The following FMN1 variants were observed in gnomAD, a reference collection of about 807,000 sequenced individuals.
FMN1 encodes formin-1.
A neutral mutation model predicts 132.4 loss-of-function variants in FMN1; 110 were observed. The observed-to-expected ratio is 0.83, with a 90% CI of 0.71 to 0.97. The LOEUF is 0.97. Ranked by LOEUF, FMN1 falls within the 50% of genes least tolerant of loss-of-function variation. The pLI is 0.00. For missense variants in FMN1, 1,792 were observed against 1,705.3 expected (o/e 1.05, Z -0.90); for synonymous variants, 722 against 651.7 (o/e 1.11, Z -1.64).
At chr15:33,059,490 G>A (rs553878715) in intron 6 of FMN1, among the ~76,000 whole-genome samples, 106 of 152,158 alleles carry the variant, frequency 7.0e-4, no homozygotes, top group African/African-American at 2.5e-3. Context: ...CATAATGGCC[G>A]TACTAATTTA....
In FMN1 at chr15:33,147,695, T is replaced by C. The variant is rs190046051; in HGVS notation, c.1867+5353A>G. 3.4e-3 allele frequency among the ~76,000 whole-genome samples: 519 copies of C among 152,338 alleles called. 11 individuals carry two copies. Among genetic ancestry groups the C allele is most frequent in the Admixed American group, 0.029 (449 of 15,300 alleles). On this transcript the variant is annotated intron_variant, in intron 4 of 20. Transcript: ENST00000616417. Reference sequence around the variant, plus strand: ...CTGGCCTTTAAATCACATTCCCCTTTAAAAAGCAAAACAAATGAGAAAAAT... The same window carrying C: ...CTGGCCTTTAAATCACATTCCCCTTCAAAAAGCAAAACAAATGAGAAAAAT...
At chr15:33,011,319 C>T (rs531944719) in intron 6 of FMN1, among the ~76,000 whole-genome samples, 307 of 152,098 alleles carry the variant, frequency 2.0e-3, no homozygotes, top group African/African-American at 6.8e-3. Context: ...AAAGAATGAT[C>T]TTTTCAATAA....
chr15:32,957,710 T>C (rs1475606124), intron 9 of FMN1, among the ~76,000 whole-genome samples: 1 of 152,228 alleles, frequency 6.6e-6, no homozygotes, highest in African/African-American at 2.4e-5. Flanking sequence ...AAGAGATTAA[T>C]GCAAAGAATA....
chr15:32,939,465 G>C (rs1053296788), intron 9 of FMN1, among the ~76,000 whole-genome samples: 2 of 151,846 alleles, frequency 1.3e-5, no homozygotes, highest in African/African-American at 2.4e-5. Flanking sequence ...TTTTTAATTT[G>C]TTATCAACCA....
At chr15:32,794,074 C>T (rs771420637) in intron 19 of FMN1, among the ~76,000 whole-genome samples, 28 of 152,134 alleles carry the variant, frequency 1.8e-4, no homozygotes, top group Non-Finnish European at 3.7e-4. Flanking sequence ...CAGCTTTGAA[C>T]TATCTTCTGT....
At chr15:32,796,499 C>T (rs371658277) in intron 19 of FMN1, among the ~76,000 whole-genome samples, 1 of 151,856 alleles carries the variant, frequency 6.6e-6, no homozygotes, top group East Asian at 1.9e-4. Context: ...ATGTTGTCTC[C>T]TGATGTTTAG....
At chr15:32,815,184 T>C (rs1238484395) in intron 17 of FMN1, among the ~76,000 whole-genome samples, 1 of 152,128 alleles carries the variant, frequency 6.6e-6, no homozygotes, top group Admixed American at 6.5e-5. Context: ...CCTCGTGATC[T>C]GCCCGCCTCA....
chr15:32,774,489 T>A, intron 20 of FMN1, 135 bp from the exon 21 acceptor site: 1 of 663,652 alleles, frequency 1.5e-6, no homozygotes, highest in Non-Finnish European at 2.6e-6. Context: ...GTACCTCTAC[T>A]GCTTTCCCTA....
chr15:32,892,429 T>C (rs1033143096), intron 15 of FMN1, among the ~76,000 whole-genome samples: 2 of 152,196 alleles, frequency 1.3e-5, no homozygotes, highest in Admixed American at 1.3e-4. Context: ...TGGTGGATTA[T>C]CTTTTTGATA....
At chr15:32,804,747 G>T (rs888419554) in intron 17 of FMN1, among the ~76,000 whole-genome samples, 1 of 147,806 alleles carries the variant, frequency 6.8e-6, no homozygotes, top group African/African-American at 2.5e-5. Flanking sequence ...ACCTATGAGT[G>T]AGAACATGCA....
chr15:32,809,668 A>G (rs2057805320), intron 17 of FMN1, among the ~76,000 whole-genome samples: 1 of 151,788 alleles, frequency 6.6e-6, no homozygotes, highest in South Asian at 2.1e-4. Flanking sequence ...TTCTTTGAAA[A>G]CCAAGCTTGA....
At chr15:32,996,094 TGATA>T (rs961965060) in intron 7 of FMN1, among the ~76,000 whole-genome samples, 12 of 152,372 alleles carry the variant, frequency 7.9e-5, no homozygotes, top group African/African-American at 2.6e-4. Context: ...ACAATAGTTA[TGATA>T]GATAGGTCAT....
chr15:33,069,372 G>C (rs1408413656), intron 5 of FMN1, among the ~76,000 whole-genome samples: 1 of 152,190 alleles, frequency 6.6e-6, no homozygotes, highest in Non-Finnish European at 1.5e-5. Context: ...GGATGGACAG[G>C]ACACTGTTCT....
chr15:33,147,152 C>T (rs1458556868), intron 4 of FMN1, among the ~76,000 whole-genome samples: 1 of 144,940 alleles, frequency 6.9e-6, no homozygotes, highest in East Asian at 2.0e-4. Flanking sequence ...GAAACAAGAG[C>T]GAGACTCCGT....
rs958495526 is a variant in FMN1 at position 32,767,268 on chromosome 15, T to A, written c.*7042A>T. 6.6e-6 allele frequency: 1 copy of A among 152,242 alleles called. No homozygotes were observed. The highest frequency in any genetic ancestry group is 1.9e-4 in the East Asian group (1 of 5,196). The allele number at this position is 152,242 out of a possible 1,614,324, so 9.4% of individuals were successfully genotyped here. ...GCAAACTCACAAGATACCAGTTATA[T>A]GAAGACATAAAACTGCATGGATCAG... On this transcript the variant is annotated 3_prime_UTR_variant, in exon 21 of 21. Coordinates refer to ENST00000616417, the MANE Select transcript of FMN1 (RefSeq NM_001277313.2).
At chr15:33,043,213 A>T (rs1566859267) in intron 6 of FMN1, among the ~76,000 whole-genome samples, 1 of 152,220 alleles carries the variant, frequency 6.6e-6, no homozygotes, top group Non-Finnish European at 1.5e-5. Context: ...ACAACTGTTA[A>T]ATCAACTTTA....
intron 17 of FMN1, among the ~76,000 whole-genome samples, chr15:32,834,035 C>G (rs888574474): frequency 3.3e-5 from 5 of 152,206 alleles, no homozygotes; most frequent in African/African-American, 9.6e-5. Context: ...ATTCTCAGAA[C>G]CTCCTGGCAT....
intron 7 of FMN1, among the ~76,000 whole-genome samples, chr15:33,003,512 G>T (rs1393303656): frequency 6.6e-6 from 1 of 152,162 alleles, no homozygotes; most frequent in Non-Finnish European, 1.5e-5. Context: ...CCTCTTCAAG[G>T]AGAACTACAA....
intron 7 of FMN1, among the ~76,000 whole-genome samples, chr15:33,004,853 C>T (rs1338912021): frequency 2.0e-5 from 3 of 152,136 alleles, no homozygotes; most frequent in Non-Finnish European, 4.4e-5. Flanking sequence ...GAATACTATG[C>T]AGCCATAAAA....
Sources: allele counts gnomAD v4.1 joint callset (sites outside exome capture counted in the v4.1 genomes callset), GRCh38; gene constraint gnomAD v4.1.1; transcripts MANE v1.5; gene names NCBI Gene and HGNC (gene_info 2026-07-23, HGNC 2026-07-21).